RIMKLB: variants seen among roughly 807,000 people sequenced by gnomAD.
The protein encoded by RIMKLB is beta-citrylglutamate synthase B.
A neutral mutation model predicts 32.0 loss-of-function variants in RIMKLB; 7 were observed. That is an observed-to-expected ratio of 0.22 (90% CI 0.12 to 0.41). RIMKLB has a LOEUF of 0.41. Among genes scored for constraint, RIMKLB ranks in the 10% least tolerant of loss-of-function variants. The pLI is 1.00. For synonymous variants in RIMKLB, 172 were observed against 185.1 expected, an observed-to-expected ratio of 0.93 and a Z score of 0.57; for missense variants, 289 against 498.7, an observed-to-expected ratio of 0.58 and a Z score of 4.00.
At chr12:8,678,571 G>A (rs113400675), upstream of RIMKLB, among the ~76,000 whole-genome samples, 1,038 of 151,946 alleles carry the variant, frequency 6.8e-3, 8 homozygotes, top group Non-Finnish European at 0.01. Context: ...CAGGTGATCC[G>A]CCTGTCTCGG....
rs532504000 is a variant in RIMKLB, at chr12:8,777,054, A to C, written c.*3270A>C. On this transcript the variant is annotated 3_prime_UTR_variant, in exon 6 of 6. Coordinates refer to ENST00000535829, the MANE Select transcript of RIMKLB (RefSeq NM_001297776.2). Reference sequence around the variant, plus strand: ...GGCTGGTGAGACACGATCCCCTCCTAAGAAAATGTAGGTGCTCAGACAGGT... The same window carrying C: ...GGCTGGTGAGACACGATCCCCTCCTCAGAAAATGTAGGTGCTCAGACAGGT... The C allele has an allele frequency of 6.1e-6, 6 of 985,628 alleles. No individual in the cohort carries two copies. The highest frequency in any genetic ancestry group is 7.2e-6 in the Non-Finnish European group (6 of 829,922). 61.1% of individuals were successfully genotyped at this position (985,628 alleles called of 1,614,324 possible).
In RIMKLB at chr12:8,774,517, A is replaced by G; in HGVS notation, c.*733A>G. On this transcript the variant is annotated 3_prime_UTR_variant, in exon 6 of 6. Coordinates refer to ENST00000535829, the MANE Select transcript of RIMKLB (RefSeq NM_001297776.2). ...ACACTAGTTTAAAATATGTGCATTCACTTGTATTTGTTAGTGTTTTAGTCT... is the reference window on the plus strand; with the variant it reads ...ACACTAGTTTAAAATATGTGCATTCGCTTGTATTTGTTAGTGTTTTAGTCT... 3 of 981,600 alleles carry G rather than the reference A, an allele frequency of 3.1e-6. No individual in the cohort carries two copies. Among genetic ancestry groups the G allele is most frequent in the Non-Finnish European group, 3.6e-6 (3 of 826,592 alleles). The allele number at this position is 981,600 out of a possible 1,614,324, so 60.8% of individuals were successfully genotyped here.
chr12:8,675,257 CATT>C, the RIMKLB span, among the ~76,000 whole-genome samples: 1 of 152,184 alleles, frequency 6.6e-6, no homozygotes, highest in Non-Finnish European at 1.5e-5. Context: ...TTTTCTGAAA[CATT>C]AGTCATTGCT....
chr12:8,768,700 C>T (rs1950168424), intron 5 of RIMKLB, among the ~76,000 whole-genome samples: 1 of 152,146 alleles, frequency 6.6e-6, no homozygotes, highest in South Asian at 2.1e-4. Flanking sequence ...TAGCTTTTAT[C>T]ACTTTCTGAA....
rs751352548 is a variant in RIMKLB, at chr12:8,773,079, G to C, written c.698-242G>C. 1.5e-4 allele frequency among the ~76,000 whole-genome samples: 20 copies of C among 134,146 alleles called. No homozygotes were observed. In the South Asian group the frequency reaches 4.2e-3, roughly 28 times the overall value. 88.0% of individuals were successfully genotyped at this position (134,146 alleles called of 152,430 possible). A position where few individuals can be genotyped will look rare whatever the true frequency, so the allele number is the denominator to read the frequency against. On this transcript the variant is annotated intron_variant, in intron 5 of 5. Coordinates refer to ENST00000535829, the MANE Select transcript of RIMKLB (RefSeq NM_001297776.2). The stretch of plus-strand genomic sequence containing the variant: ...TTCCTTATACTTGGTTTATATTATT[G>C]CAAGTAAGATAGACTTGGAAAAAAT...
At chr12:8,673,592 T>G in the RIMKLB span, among the ~76,000 whole-genome samples, 3 of 151,330 alleles carry the variant, frequency 2.0e-5, no homozygotes, top group Non-Finnish European at 2.9e-5. Flanking sequence ...CTCAACTCAC[T>G]CGAGCTTCTT....
At position 8,748,969 on chromosome 12, in the gene RIMKLB, T is replaced by C. The variant is rs571920176; in HGVS notation, c.176-893T>C. On this transcript the variant is annotated intron_variant, in intron 2 of 5. Coordinates refer to ENST00000535829, the MANE Select transcript of RIMKLB (RefSeq NM_001297776.2). ...GAAGCAACTCATATAAATACCTTGT[T>C]TGTGTATTATTTGGGGTCTTCCTAA... Among the ~76,000 whole-genome samples, 411 of 152,204 alleles carry C rather than the reference T, an allele frequency of 2.7e-3. 26 individuals are homozygous for C. In the South Asian group the frequency reaches 0.083, roughly 31 times the overall value.
chr12:8,756,477 G>C (rs1289186683), intron 5 of RIMKLB, among the ~76,000 whole-genome samples: 1 of 151,698 alleles, frequency 6.6e-6, no homozygotes, highest in East Asian at 1.9e-4. Flanking sequence ...TCAAAGAAGA[G>C]AATACATGTA....
At chr12:8,746,672 A>G (rs1948125200) in intron 2 of RIMKLB, among the ~76,000 whole-genome samples, 1 of 151,932 alleles carries the variant, frequency 6.6e-6, no homozygotes, top group South Asian at 2.1e-4. Context: ...GGTGTTAGCC[A>G]CAGGCAAACC....
intron 3 of RIMKLB, among the ~76,000 whole-genome samples, chr12:8,751,488 G>A (rs1948616641): frequency 6.6e-6 from 1 of 152,134 alleles, no homozygotes; most frequent in Non-Finnish European, 1.5e-5. Flanking sequence ...ATTAGTAATG[G>A]AGATAAGAAA....
chr12:8,767,404 C>T (rs969557231), intron 5 of RIMKLB, among the ~76,000 whole-genome samples: 9 of 149,372 alleles, frequency 6.0e-5, no homozygotes, highest in African/African-American at 9.9e-5. Flanking sequence ...GGCCTAAGGA[C>T]GCAGTGTAGA....
chr12:8,778,687 CT>C (rs1483930468), downstream of RIMKLB, among the ~76,000 whole-genome samples: 1 of 152,208 alleles, frequency 6.6e-6, no homozygotes, highest in Non-Finnish European at 1.5e-5. Flanking sequence ...TTCTCCTATA[CT>C]TCCTAAAGTT....
chr12:8,746,327 G>A (rs1404739250), intron 2 of RIMKLB, among the ~76,000 whole-genome samples: 2 of 151,502 alleles, frequency 1.3e-5, no homozygotes, highest in Non-Finnish European at 2.9e-5. Flanking sequence ...ATCAAGGGCC[G>A]GGAGCTCATG....
intron 1 of RIMKLB, among the ~76,000 whole-genome samples, chr12:8,686,780 C>T (rs1358833009): frequency 6.6e-6 from 1 of 152,208 alleles, no homozygotes; most frequent in African/African-American, 2.4e-5. Flanking sequence ...CCACACCCGG[C>T]CTCCACTGAC....
chr12:8,764,895 G>C (rs1949830138), intron 5 of RIMKLB, among the ~76,000 whole-genome samples: 1 of 151,152 alleles, frequency 6.6e-6, no homozygotes, highest in South Asian at 2.1e-4. Context: ...CTGTTCCAGA[G>C]CCTCCAAAGT....
At chr12:8,747,947 G>A (rs1591868446) in intron 2 of RIMKLB, among the ~76,000 whole-genome samples, 1 of 151,970 alleles carries the variant, frequency 6.6e-6, no homozygotes, top group East Asian at 1.9e-4. Context: ...GTAGAGATGG[G>A]GTTTCACCAT....
intron 2 of RIMKLB, among the ~76,000 whole-genome samples, chr12:8,735,262 C>A (rs1362725628): frequency 2.0e-5 from 3 of 151,966 alleles, no homozygotes; most frequent in African/African-American, 4.8e-5. Flanking sequence ...TGGATCCTTG[C>A]TTTGTTGCCC....
intron 4 of RIMKLB, among the ~76,000 whole-genome samples, chr12:8,752,421 A>T (rs1948687665): frequency 6.6e-6 from 1 of 152,136 alleles, no homozygotes; most frequent in Non-Finnish European, 1.5e-5. Flanking sequence ...ATGTGGTGGC[A>T]TACGCCTGTA....
intron 1 of RIMKLB, among the ~76,000 whole-genome samples, chr12:8,708,612 G>T (rs1481262151): frequency 6.6e-6 from 1 of 152,148 alleles, no homozygotes; most frequent in African/African-American, 2.4e-5. Flanking sequence ...AACTTTTAAA[G>T]TAGAAAAATT....
Sources: gnomAD v4.1 joint callset for allele counts (sites outside exome capture counted in the v4.1 genomes callset) on GRCh38, gnomAD v4.1.1 for gene constraint, MANE v1.5 for transcripts, NCBI Gene and HGNC (gene_info 2026-07-23, HGNC 2026-07-21) for gene names.